ARHGEF4: variants seen among roughly 807,000 people sequenced by gnomAD.
The protein encoded by ARHGEF4 is Rho guanine nucleotide exchange factor 4, also known as APC-stimulated guanine nucleotide exchange factor 1.
A neutral mutation model predicts 162.0 loss-of-function variants in ARHGEF4; 119 were observed. The ratio of observed to expected loss-of-function variants is 0.73; its 90% CI spans 0.63 to 0.86. ARHGEF4 has a LOEUF of 0.86. Ranked by LOEUF, ARHGEF4 falls within the 40% of genes least tolerant of loss-of-function variation. The probability of loss-of-function intolerance (pLI) is 0.00; values close to 1 mark genes in which losing one functional copy is unlikely to be tolerated. For missense variants in ARHGEF4, 2,488 were observed against 2,456.0 expected, an observed-to-expected ratio of 1.01 and a Z score of -0.28; for synonymous variants, 1,014 against 979.9, an observed-to-expected ratio of 1.03 and a Z score of -0.65.
chr2:130,940,535 G>A (rs1054009935), intron 3 of ARHGEF4, among the ~76,000 whole-genome samples: 8 of 151,622 alleles, frequency 5.3e-5, no homozygotes, highest in African/African-American at 1.9e-4. Flanking sequence ...GACCTCGGAT[G>A]GTAGTATGAA....
chr2:130,870,135 G>A lies in ARHGEF4; in HGVS notation c.39+33143G>A, dbSNP rs192201786. On this transcript the variant is annotated intron_variant, in intron 1 of 13. Coordinates refer to ENST00000409359, the MANE Select transcript of ARHGEF4 (RefSeq NM_001367493.1). ...CCCCTGCAGGGCCTCAGAGAAAGAC[G>A]CTGCTGGAGGGTGGGAGGCCTGCCC... is the stretch of plus-strand genomic sequence containing the variant. Among the ~76,000 whole-genome samples the A allele has an allele frequency of 1.8e-3, 270 of 152,298 alleles. 3 individuals carry two copies. Among genetic ancestry groups the A allele is most frequent in the Non-Finnish European group, 1.8e-3 (123 of 68,022 alleles).
intron 4 of ARHGEF4, among the ~76,000 whole-genome samples, chr2:130,986,837 G>C (rs1021753762): frequency 6.6e-6 from 1 of 152,210 alleles, no homozygotes; most frequent in Non-Finnish European, 1.5e-5. Flanking sequence ...TCTTTCTCCT[G>C]CTTTTGGCAG....
At position 130,915,896 on chromosome 2, in the gene ARHGEF4, T is replaced by C. The variant is rs974507852; in HGVS notation, c.1950T>C (p.Pro650=). The part of the protein sequence containing the change: ...GLQASRSNAG[P]VPETLPRDFP... The stretch of plus-strand genomic sequence containing the variant: ...AGGCCAGCAGGAGCAATGCGGGGCC[T>C]GTTCCAGAAACACTGCCCCGTGACT... Residue 650 remains proline, a synonymous_variant, in exon 2 of 14, where the codon CCT becomes CCC. Coordinates refer to ENST00000409359, the MANE Select transcript of ARHGEF4 (RefSeq NM_001367493.1). 6.5e-7 allele frequency: 1 copy of C among 1,550,188 alleles called. No individual in the cohort carries two copies. Among genetic ancestry groups the C allele is most frequent in the South Asian group, 1.2e-5 (1 of 83,948 alleles).
At chr2:130,865,897 G>A (rs1036807720) in intron 1 of ARHGEF4, among the ~76,000 whole-genome samples, 1 of 152,152 alleles carries the variant, frequency 6.6e-6, no homozygotes, top group Non-Finnish European at 1.5e-5. Context: ...GACCAGCCCA[G>A]AGGAGCAGTA....
chr2:130,864,821 A>G (rs1408279634), intron 1 of ARHGEF4, among the ~76,000 whole-genome samples: 1 of 152,260 alleles, frequency 6.6e-6, no homozygotes, highest in Non-Finnish European at 1.5e-5. Flanking sequence ...ATTTATTTAA[A>G]AACATTCAAT....
intron 1 of ARHGEF4, among the ~76,000 whole-genome samples, chr2:130,870,170 T>C (rs565307822): frequency 6.6e-6 from 1 of 152,256 alleles, no homozygotes; most frequent in South Asian, 2.1e-4. Context: ...CACTGTTTCT[T>C]CCATGGGTAT....
intron 2 of ARHGEF4, among the ~76,000 whole-genome samples, chr2:130,925,435 A>C (rs1682181495): frequency 6.6e-6 from 1 of 152,188 alleles, no homozygotes. Flanking sequence ...AAAAAAGAAA[A>C]ACTTCGACCT....
intron 4 of ARHGEF4, among the ~76,000 whole-genome samples, chr2:130,992,398 G>A (rs767785763): frequency 2.0e-5 from 3 of 151,768 alleles, no homozygotes; most frequent in Non-Finnish European, 2.9e-5. Flanking sequence ...CGCTCACCGC[G>A]AAGGTCTGTA....
At chr2:130,870,665 G>A (rs887941281) in intron 1 of ARHGEF4, among the ~76,000 whole-genome samples, 1 of 151,532 alleles carries the variant, frequency 6.6e-6, no homozygotes, top group Non-Finnish European at 1.5e-5. Flanking sequence ...CCATCCCTGG[G>A]GAGGGGAAGG....
At chr2:130,853,627 A>G (rs1681565441) in intron 1 of ARHGEF4, among the ~76,000 whole-genome samples, 1 of 152,174 alleles carries the variant, frequency 6.6e-6, no homozygotes, top group Non-Finnish European at 1.5e-5. Context: ...GTGCCTGTGC[A>G]CATCGGTGTC....
At chr2:130,927,439 G>A (rs1267532845) in intron 2 of ARHGEF4, among the ~76,000 whole-genome samples, 1 of 152,206 alleles carries the variant, frequency 6.6e-6, no homozygotes, top group African/African-American at 2.4e-5. Flanking sequence ...TTGGCTCGGG[G>A]ACATATGTGA....
intron 2 of ARHGEF4, among the ~76,000 whole-genome samples, chr2:130,929,564 C>CT (rs1248406139): frequency 6.6e-6 from 1 of 152,156 alleles, no homozygotes; most frequent in Non-Finnish European, 1.5e-5. Context: ...AAAATAAACT[C>CT]TATCGAGGAG....
Position 131,028,181 on chromosome 2 carries a change from TC to T in ARHGEF4, c.4125+99del, listed in dbSNP as rs1689605816. On this transcript the variant is annotated intron_variant, in intron 5 of 13. Coordinates refer to ENST00000409359, the MANE Select transcript of ARHGEF4 (RefSeq NM_001367493.1). ...CAGGCCAGATGCCCACAGTCCACGT[TC>T]CATGTGGCTGCTGGTGGTGCTGGCC... 2.0e-6 allele frequency: 3 copies of T among 1,479,552 alleles called. No homozygotes were observed. The Admixed American group carries it at 6.1e-5, about 30-fold the overall frequency. 91.7% of individuals were successfully genotyped at this position (1,479,552 alleles called of 1,614,324 possible). A position where few individuals can be genotyped will look rare whatever the true frequency, so the allele number is the denominator to read the frequency against.
Position 130,989,188 on chromosome 2 carries a change from T to C in ARHGEF4, c.3986-38757T>C, listed in dbSNP as rs993745838. Among the ~76,000 whole-genome samples the C allele has an allele frequency of 3.3e-5, 5 of 152,268 alleles. No homozygotes were observed. The East Asian group carries it at 7.7e-4, about 24-fold the overall frequency. ...GTTGGTCAGGCTGGTCTCGAACTCCTAACCTCAGGTGATCTGCCCACCTCT... is the reference window on the plus strand; with the variant it reads ...GTTGGTCAGGCTGGTCTCGAACTCCCAACCTCAGGTGATCTGCCCACCTCT... On this transcript the variant is annotated intron_variant, in intron 4 of 13. Transcript: ENST00000409359.
rs746774000 is a variant in ARHGEF4 at position 130,914,173 on chromosome 2, A to G, written c.227A>G (p.Asp76Gly). ...TKTDPFESAS[D>G]TESLSGYLPR... The stretch of plus-strand genomic sequence containing the variant: ...ACTGACCCCTTTGAAAGTGCCTCTG[A>G]CACAGAGTCCTTGTCTGGGTACCTC... The change falls in exon 2 of 14, where the codon GAC becomes GGC. Residue 76 changes from aspartate (D) to glycine (G), a missense_variant. By Grantham distance (94) the Asp-to-Gly change is moderately conservative. Transcript: ENST00000409359. The G allele has an allele frequency of 2.0e-6, 3 of 1,536,012 alleles. No individual in the cohort carries two copies. Among genetic ancestry groups the G allele is most frequent in the Non-Finnish European group, 2.6e-6 (3 of 1,146,914 alleles).
intron 4 of ARHGEF4, among the ~76,000 whole-genome samples, chr2:131,004,230 A>C (rs1342175849): frequency 6.6e-6 from 1 of 152,090 alleles, no homozygotes; most frequent in Non-Finnish European, 1.5e-5. Flanking sequence ...CAATGGCACG[A>C]TCTCGACTCA....
chr2:130,872,118 T>C (rs1678527397), intron 1 of ARHGEF4, among the ~76,000 whole-genome samples: 1 of 152,250 alleles, frequency 6.6e-6, no homozygotes, highest in Non-Finnish European at 1.5e-5. Flanking sequence ...CTCCTTCCTC[T>C]GCTGGAAATA....
At chr2:130,983,806 C>T (rs1686281571) in intron 4 of ARHGEF4, among the ~76,000 whole-genome samples, 1 of 152,078 alleles carries the variant, frequency 6.6e-6, no homozygotes, top group East Asian at 1.9e-4. Flanking sequence ...TCCGCCACCA[C>T]ACCCGGCTAA....
At chr2:131,010,599 C>T (rs1688386418) in intron 4 of ARHGEF4, among the ~76,000 whole-genome samples, 2 of 152,230 alleles carry the variant, frequency 1.3e-5, no homozygotes, top group Admixed American at 6.5e-5. Context: ...GTATCAGCCA[C>T]TTTGGACAGC....
Sources: gnomAD v4.1 joint callset for allele counts (sites outside exome capture counted in the v4.1 genomes callset) on GRCh38, gnomAD v4.1.1 for gene constraint, MANE v1.5 for transcripts, NCBI Gene and HGNC (gene_info 2026-07-23, HGNC 2026-07-21) for gene names.